The following ZDHHC17 variants were observed in gnomAD, a reference collection of about 807,000 sequenced individuals.
ZDHHC17 encodes the protein zDHHC palmitoyltransferase 17.
ZDHHC17 carries 40 observed loss-of-function variants against 90.3 expected under a neutral mutation model. The ratio of observed to expected loss-of-function variants is 0.44; its 90% CI spans 0.34 to 0.58. ZDHHC17 has a LOEUF of 0.58. ZDHHC17 is among the 20% of genes least tolerant of loss of function. The pLI is 0.01. For missense variants in ZDHHC17, 614 were observed against 780.8 expected, an observed-to-expected ratio of 0.79 and a Z score of 2.55; for synonymous variants, 235 against 252.4, an observed-to-expected ratio of 0.93 and a Z score of 0.65.
intron 1 of ZDHHC17, among the ~76,000 whole-genome samples, chr12:76,771,004 C>G (rs1952485663): frequency 6.6e-6 from 1 of 151,116 alleles, no homozygotes; most frequent in Admixed American, 6.6e-5. Flanking sequence ...AGATGTTTCA[C>G]TATTAAGGTT....
intron 5 of ZDHHC17, chr12:76,813,222 A>G (rs1421783781): frequency 3.4e-6 from 1 of 296,484 alleles, no homozygotes; most frequent in Non-Finnish European, 6.6e-6. Flanking sequence ...TACGGAAATT[A>G]GGAGTAAAAG....
In ZDHHC17 at chr12:76,826,990, C is replaced by A. The variant is rs754110583; in HGVS notation, c.980C>A (p.Ser327Tyr). The change falls in exon 9 of 17, where the codon TCT (serine) becomes TAT (tyrosine). Residue 327 changes from serine to tyrosine, a missense_variant. Physicochemically the swap from Ser to Tyr is moderately radical, Grantham distance 144. This residue lies in a region of ZDHHC17 where 117 missense variants were observed against 183.6 expected (regional missense o/e 0.64). Coordinates refer to ENST00000426126, the MANE Select transcript of ZDHHC17 (RefSeq NM_015336.4). ...TTTATAGCAGACCTAAATATTGATT[C>A]TTGGCTCATTAAAGGGCTAATGTAT... ...VGFIADLNID[S>Y]WLIKGLMYGG... The A allele has an allele frequency of 1.3e-6, 2 of 1,561,246 alleles. No homozygotes were observed. The highest frequency in any genetic ancestry group is 1.7e-6 in the Non-Finnish European group (2 of 1,162,018).
At chr12:76,828,253 A>C in intron 9 of ZDHHC17, 137 bp from the exon 10 acceptor site, 1 of 639,090 alleles carries the variant, frequency 1.6e-6, no homozygotes, top group Non-Finnish European at 2.4e-6. Context: ...TTACTATGAA[A>C]AATTGAGCAT....
At chr12:76,791,232 C>T (rs1239083863) in intron 1 of ZDHHC17, among the ~76,000 whole-genome samples, 2 of 152,102 alleles carry the variant, frequency 1.3e-5, no homozygotes, top group African/African-American at 4.8e-5. Context: ...ATAGGGGAAA[C>T]TGGTTTTTCT....
At chr12:76,801,506 T>C (rs940902274) in intron 2 of ZDHHC17, among the ~76,000 whole-genome samples, 2 of 151,610 alleles carry the variant, frequency 1.3e-5, no homozygotes, top group Admixed American at 1.3e-4. Flanking sequence ...ACAAAAAAAT[T>C]AGCCGGGCAT....
At chr12:76,807,421 A>G (rs1384981578) in intron 3 of ZDHHC17, among the ~76,000 whole-genome samples, 5 of 152,086 alleles carry the variant, frequency 3.3e-5, no homozygotes, top group Admixed American at 2.6e-4. Context: ...CCTTCTGAAA[A>G]CCTAGGATCA....
At chr12:76,818,813 T>A (rs1005471909) in intron 7 of ZDHHC17, among the ~76,000 whole-genome samples, 3 of 152,200 alleles carry the variant, frequency 2.0e-5, no homozygotes, top group Non-Finnish European at 4.4e-5. Context: ...GTATTCTCAG[T>A]CATGGGAAAC....
intron 6 of ZDHHC17, among the ~76,000 whole-genome samples, chr12:76,815,592 A>G (rs754214347): frequency 7.2e-5 from 11 of 151,840 alleles, no homozygotes; most frequent in Non-Finnish European, 1.5e-4. Context: ...TATTAATGCC[A>G]TTTCTAGGTC....
intron 10 of ZDHHC17, among the ~76,000 whole-genome samples, chr12:76,835,058 CTT>C (rs56119519): frequency 0.55 from 77,061 of 139,320 alleles, 20,554 homozygotes; most frequent in East Asian, 0.66. Context: ...AGCCTTAGGC[CTT>C]TTTTTTTTTT....
intron 3 of ZDHHC17, among the ~76,000 whole-genome samples, chr12:76,806,378 A>G (rs946368571): frequency 6.6e-6 from 1 of 152,058 alleles, no homozygotes; most frequent in Non-Finnish European, 1.5e-5. Flanking sequence ...TCCTGGGTTC[A>G]AGCAATTCTC....
At chr12:76,777,893 G>T (rs1449292946) in intron 1 of ZDHHC17, among the ~76,000 whole-genome samples, 1 of 152,104 alleles carries the variant, frequency 6.6e-6, no homozygotes, top group Non-Finnish European at 1.5e-5. Context: ...TACTGGTAGA[G>T]CCCAGAGAGG....
intron 5 of ZDHHC17, among the ~76,000 whole-genome samples, chr12:76,811,077 T>G (rs1342053667): frequency 6.6e-6 from 1 of 152,180 alleles, no homozygotes; most frequent in Admixed American, 6.6e-5. Flanking sequence ...TAGAAGCTGT[T>G]TTGCATTTTT....
chr12:76,771,884 G>A (rs151247722), intron 1 of ZDHHC17, among the ~76,000 whole-genome samples: 98 of 152,254 alleles, frequency 6.4e-4, no homozygotes, highest in African/African-American at 2.1e-3. Flanking sequence ...CCTAAACTCA[G>A]GATGCAAGGA....
At chr12:76,793,388 T>G (rs1952782645) in intron 1 of ZDHHC17, among the ~76,000 whole-genome samples, 6 of 152,076 alleles carry the variant, frequency 3.9e-5, no homozygotes, top group Non-Finnish European at 8.8e-5. Context: ...GGTGTGGTGG[T>G]GTGTGCCTGT....
At chr12:76,791,115 G>A (rs574077438) in intron 1 of ZDHHC17, among the ~76,000 whole-genome samples, 4 of 152,216 alleles carry the variant, frequency 2.6e-5, no homozygotes, top group East Asian at 1.9e-4. Flanking sequence ...AATAAAAGCC[G>A]AGAAAACATG....
chr12:76,834,302 A>G (rs919902429), intron 10 of ZDHHC17, among the ~76,000 whole-genome samples: 7 of 152,220 alleles, frequency 4.6e-5, no homozygotes, highest in South Asian at 4.1e-4. Context: ...TGTGTTGACA[A>G]CACTTTTGAA....
At position 76,815,225 on chromosome 12, in the gene ZDHHC17, TA is replaced by T; in HGVS notation, c.608+21del. 1 of 1,533,238 alleles carries T rather than the reference TA, an allele frequency of 6.5e-7. No individual in the cohort carries two copies. Among genetic ancestry groups the T allele is most frequent in the Non-Finnish European group, 8.8e-7 (1 of 1,134,994 alleles). 95.0% of individuals were successfully genotyped at this position (1,533,238 alleles called of 1,614,324 possible). A position where few individuals can be genotyped will look rare whatever the true frequency, so the allele number is the denominator to read the frequency against. On this transcript the variant is annotated intron_variant, in intron 6 of 16. Transcript: ENST00000426126. ...AGAACACATAGGTATGTAATGACTATAAAAAACTTATTTAGGCCATTTCAGC... is the reference window on the plus strand; with the variant it reads ...AGAACACATAGGTATGTAATGACTATAAAAACTTATTTAGGCCATTTCAGC...
intron 1 of ZDHHC17, among the ~76,000 whole-genome samples, chr12:76,779,104 A>G (rs1206872056): frequency 1.3e-5 from 2 of 152,138 alleles, no homozygotes; most frequent in African/African-American, 4.8e-5. Context: ...GCTTCAACAT[A>G]TGAGTTTCGG....
chr12:76,806,194 A>C (rs1952951829), intron 3 of ZDHHC17, among the ~76,000 whole-genome samples: 1 of 152,180 alleles, frequency 6.6e-6, no homozygotes, highest in South Asian at 2.1e-4. Flanking sequence ...TCCCAGGCTC[A>C]AGCGATCCTC....
Sources: allele counts gnomAD v4.1 joint callset (sites outside exome capture counted in the v4.1 genomes callset), GRCh38; gene constraint gnomAD v4.1.1; regional missense constraint gnomAD v4.1.1; transcripts MANE v1.5; gene names NCBI Gene and HGNC (gene_info 2026-07-23, HGNC 2026-07-21).